Variants in FAM234A observed in about 807,000 individuals in gnomAD.
FAM234A encodes protein FAM234A.
A neutral mutation model predicts 49.1 loss-of-function variants in FAM234A; 42 were observed. That is an observed-to-expected ratio of 0.86 (90% CI 0.67 to 1.11). FAM234A has a LOEUF of 1.11. Ranked by LOEUF, FAM234A falls within the 50% of genes least tolerant of loss-of-function variation. The pLI is 0.00. For synonymous variants in FAM234A, 369 were observed against 316.2 expected (o/e 1.17, Z -1.77); for missense variants, 815 against 745.2 (o/e 1.09, Z -1.09).
At chr16:251,957 CA>C (rs1310974871) in intron 2 of FAM234A, among the ~76,000 whole-genome samples, 14 of 141,402 alleles carry the variant, frequency 9.9e-5, no homozygotes, top group African/African-American at 3.7e-4. Flanking sequence ...GAGCCAAGAT[CA>C]TGCCACTGCA....
rs1018262244 is a variant in FAM234A at position 265,923 on chromosome 16, C to G, written c.*901C>G. On this transcript the variant is annotated 3_prime_UTR_variant, in exon 13 of 13. Transcript: ENST00000399932. ...GCTCACACGCCCACGCCGTGCCACC[C>G]GATGCAGGACTCACCTCTGTGCCTT... 2.0e-6 allele frequency: 2 copies of G among 986,260 alleles called. No homozygotes were observed. Among genetic ancestry groups the G allele is most frequent in the Non-Finnish European group, 2.4e-6 (2 of 830,326 alleles). The allele number at this position is 986,260 out of a possible 1,614,324, so 61.1% of individuals were successfully genotyped here. A position where few individuals can be genotyped will look rare whatever the true frequency, so the allele number is the denominator to read the frequency against.
At chr16:269,208 C>T (rs1317798755), downstream of FAM234A, 4 of 1,255,946 alleles carry the variant, frequency 3.2e-6, no homozygotes, top group East Asian at 2.5e-5. Flanking sequence ...ACGGGGGTGG[C>T]TGCTGCATTC....
chr16:260,431 T>C, intron 5 of FAM234A: 1 of 529,618 alleles, frequency 1.9e-6, no homozygotes, highest in South Asian at 1.9e-5. Context: ...CGATGTCACC[T>C]GCCATGGGGT....
intron 3 of FAM234A, among the ~76,000 whole-genome samples, chr16:255,998 T>C (rs912481743): frequency 1.3e-5 from 2 of 152,240 alleles, no homozygotes; most frequent in South Asian, 2.1e-4. Flanking sequence ...TCATACAGTA[T>C]GTAAGTGAAG....
At chr16:255,067 G>A (rs1272141608) in intron 3 of FAM234A, among the ~76,000 whole-genome samples, 4 of 151,956 alleles carry the variant, frequency 2.6e-5, no homozygotes, top group Non-Finnish European at 5.9e-5. Context: ...TGTTGGTCAG[G>A]GTGGTCTCGA....
At position 235,382 on chromosome 16, in the gene FAM234A, A is replaced by C. The variant is rs137979412; in HGVS notation, c.-140+525A>C. Among the ~76,000 whole-genome samples the C allele has an allele frequency of 4.7e-3, 718 of 152,298 alleles. 10 individuals carry two copies. The highest frequency in any genetic ancestry group is 0.016 in the African/African-American group (673 of 41,564). ...CACCCCGGGAAAGCTCCCCGAGCGC[A>C]GCCGAGGTTGCTCGTCTGTGGGAGG... On this transcript the variant is annotated intron_variant, in intron 1 of 12. Transcript: ENST00000399932.
chr16:252,992 G>A (rs914470534), intron 2 of FAM234A, among the ~76,000 whole-genome samples: 1 of 152,216 alleles, frequency 6.6e-6, no homozygotes, highest in African/African-American at 2.4e-5. Flanking sequence ...AGTATGATGT[G>A]TTAGGACATC....
Position 254,417 on chromosome 16 carries a change from T to A in FAM234A, c.4T>A (p.Leu2Met). The A allele has an allele frequency of 6.2e-7, 1 of 1,613,892 alleles. No homozygotes were observed. The highest frequency in any genetic ancestry group is 8.5e-7 in the Non-Finnish European group (1 of 1,179,914). The part of the protein sequence containing the change: M[L>M]DHKDLEAEIH... ...TAAACTTTGGGATGTGCCCGTGATGTTGGACCACAAGGACTTAGAGGCCGA... is the reference window on the plus strand; with the variant it reads ...TAAACTTTGGGATGTGCCCGTGATGATGGACCACAAGGACTTAGAGGCCGA... Residue 2 changes from leucine to methionine, a missense_variant, in exon 3 of 13, where the codon TTG becomes ATG. Leu to Met is a conservative substitution (Grantham distance 15). Coordinates refer to ENST00000399932, the MANE Select transcript of FAM234A (RefSeq NM_032039.4).
In FAM234A at chr16:264,798, C is replaced by G. The variant is rs2051630936; in HGVS notation, c.1448-13C>G. On this transcript the variant is annotated splice_polypyrimidine_tract_variant and intron_variant, in intron 12 of 12. Coordinates refer to ENST00000399932, the MANE Select transcript of FAM234A (RefSeq NM_032039.4). ...CCTGAGCCGCCCTGACAGCTGTGTC[C>G]CCCACCCTGCAGCCGTCCTGTTTGA... is the stretch of plus-strand genomic sequence containing the variant. 6.2e-7 allele frequency: 1 copy of G among 1,607,696 alleles called. No homozygotes were observed. Among genetic ancestry groups the G allele is most frequent in the Non-Finnish European group, 8.5e-7 (1 of 1,178,740 alleles).
chr16:250,396 C>T (rs9927539), intron 2 of FAM234A, among the ~76,000 whole-genome samples: 4,630 of 138,418 alleles, frequency 0.033, 218 homozygotes, highest in African/African-American at 0.15. Flanking sequence ...CCCTAGTTAC[C>T]TTTTCCAGAC....
At chr16:257,426 A>G (rs1250053702) in intron 3 of FAM234A, among the ~76,000 whole-genome samples, 1 of 151,000 alleles carries the variant, frequency 6.6e-6, no homozygotes, top group Non-Finnish European at 1.5e-5. Flanking sequence ...ATGTATTTTT[A>G]GTAGAGACGG....
At chr16:255,882 C>T (rs573426674) in intron 3 of FAM234A, among the ~76,000 whole-genome samples, 3 of 152,334 alleles carry the variant, frequency 2.0e-5, no homozygotes, top group African/African-American at 7.2e-5. Flanking sequence ...AGGCTGGTCT[C>T]AAACTCCCGA....
Position 265,166 on chromosome 16 carries a change from AGTCCTC to A in FAM234A, c.*145_*150del. ...GCCACTGGGCAGCAGCAGCCTTACCAGTCCTCCATGATCACACCCAGGGACCTGCAT... is the reference window on the plus strand; with the variant it reads ...GCCACTGGGCAGCAGCAGCCTTACCACATGATCACACCCAGGGACCTGCAT... On this transcript the variant is annotated 3_prime_UTR_variant, in exon 13 of 13. Transcript: ENST00000399932. 7.0e-7 allele frequency: 1 copy of A among 1,430,890 alleles called. No homozygotes were observed. The highest frequency in any genetic ancestry group is 9.1e-7 in the Non-Finnish European group (1 of 1,096,112). 88.6% of individuals were successfully genotyped at this position (1,430,890 alleles called of 1,614,324 possible). A position where few individuals can be genotyped will look rare whatever the true frequency, so the allele number is the denominator to read the frequency against.
intron 1 of FAM234A, among the ~76,000 whole-genome samples, chr16:241,655 G>T (rs113985387): frequency 2.0e-5 from 3 of 151,688 alleles, no homozygotes; most frequent in Non-Finnish European, 2.9e-5. Flanking sequence ...CGGTGGCTCA[G>T]GCCTGTAATC....
At chr16:261,813 G>A (rs2051478363) in intron 6 of FAM234A, among the ~76,000 whole-genome samples, 1 of 152,224 alleles carries the variant, frequency 6.6e-6, no homozygotes. Context: ...CACTGGGGCT[G>A]CCCTGCCTGC....
At position 265,217 on chromosome 16, in the gene FAM234A, G is replaced by T; in HGVS notation, c.*195G>T. 1 of 1,401,312 alleles carries T rather than the reference G, an allele frequency of 7.1e-7. No individual in the cohort carries two copies. The highest frequency in any genetic ancestry group is 3.1e-5 in the Admixed American group (1 of 32,764). 86.8% of individuals were successfully genotyped at this position (1,401,312 alleles called of 1,614,324 possible). ...CTGCATGGGTGAGGGGACACCCTGG[G>T]CCTCTCTCCCGCCCAGCATCCTCCC... On this transcript the variant is annotated 3_prime_UTR_variant, in exon 13 of 13. Coordinates refer to ENST00000399932, the MANE Select transcript of FAM234A (RefSeq NM_032039.4).
chr16:265,456 C>T lies in FAM234A; in HGVS notation c.*434C>T. 1.0e-6 allele frequency: 1 copy of T among 999,904 alleles called. No homozygotes were observed. The highest frequency in any genetic ancestry group is 1.2e-6 in the Non-Finnish European group (1 of 839,692). 61.9% of individuals were successfully genotyped at this position (999,904 alleles called of 1,614,324 possible). A position where few individuals can be genotyped will look rare whatever the true frequency, so the allele number is the denominator to read the frequency against. On this transcript the variant is annotated 3_prime_UTR_variant, in exon 13 of 13. Coordinates refer to ENST00000399932, the MANE Select transcript of FAM234A (RefSeq NM_032039.4). ...GTCCCCGGGACAGGCCGTCCCCCAC[C>T]CCATCCTGTAGAAGTCCATTCCCCT... is the stretch of plus-strand genomic sequence containing the variant.
chr16:269,785 A>G (rs1215058826), downstream of FAM234A: 3 of 549,792 alleles, frequency 5.5e-6, no homozygotes, highest in African/African-American at 1.9e-5. Flanking sequence ...TGCCTGGGCC[A>G]TGTCGCAGCA....
rs530263842 is a variant in FAM234A, at chr16:236,671, GC to G, written c.-140+1815del. On this transcript the variant is annotated intron_variant, in intron 1 of 12. Transcript: ENST00000399932. The stretch of plus-strand genomic sequence containing the variant: ...CCTGTAATCCCAGCACTTTGGGAGG[GC>G]GAGGCGGGCGGATCACGAGGTCAGG... Among the ~76,000 whole-genome samples the G allele has an allele frequency of 7.3e-3, 1,090 of 149,662 alleles. 14 individuals carry two copies. The highest frequency in any genetic ancestry group is 0.026 in the African/African-American group (1,042 of 40,778).
Sources: gnomAD v4.1 joint callset for allele counts (sites outside exome capture counted in the v4.1 genomes callset) on GRCh38, gnomAD v4.1.1 for gene constraint, MANE v1.5 for transcripts, NCBI Gene and HGNC (gene_info 2026-07-23, HGNC 2026-07-21) for gene names.